Variants in CSN2 observed in about 807,000 individuals in gnomAD.
The protein encoded by CSN2 is casein beta, also known as beta-casein.
CSN2 carries 27 observed loss-of-function variants against 27.3 expected under a neutral mutation model. That is an observed-to-expected ratio of 0.99 (90% CI 0.73 to 1.36). The LOEUF (loss-of-function observed/expected upper bound fraction) is 1.36. Among genes scored for constraint, CSN2 ranks in the 40% most tolerant of loss-of-function variants. The probability of loss-of-function intolerance (pLI) is 0.00; values close to 1 mark genes in which losing one functional copy is unlikely to be tolerated. For missense variants in CSN2, 333 were observed against 264.5 expected (o/e 1.26, Z -1.80); for synonymous variants, 131 against 94.8 (o/e 1.38, Z -2.22).
chr4:69,957,909 G>T lies in CSN2; in HGVS notation c.145-105C>A, dbSNP rs1010956588. On this transcript the variant is annotated intron_variant, in intron 5 of 7. Coordinates refer to ENST00000353151, the MANE Select transcript of CSN2 (RefSeq NM_001891.4). ...AGACAATGATAAATGAGTAAAAAGA[G>T]AGGAGAAAATATTTCACTTATTTTG... is the stretch of plus-strand genomic sequence containing the variant. The T allele has an allele frequency of 5.7e-6, 6 of 1,047,042 alleles. No individual in the cohort carries two copies. The East Asian group carries it at 1.5e-4, about 26-fold the overall frequency. The allele number at this position is 1,047,042 out of a possible 1,614,324, so 64.9% of individuals were successfully genotyped here.
chr4:69,964,512 A>G (rs1349281336), intron 1 of CSN2, among the ~76,000 whole-genome samples: 1 of 151,962 alleles, frequency 6.6e-6, no homozygotes, highest in Non-Finnish European at 1.5e-5. Context: ...GTTCTTTTCA[A>G]TATTTGAAGG....
intron 1 of CSN2, among the ~76,000 whole-genome samples, chr4:69,964,433 C>A (rs932173304): frequency 6.6e-6 from 1 of 151,974 alleles, no homozygotes; most frequent in Non-Finnish European, 1.5e-5. Flanking sequence ...GATATTGAAA[C>A]TCAATTTTTG....
At chr4:69,964,500 A>G (rs924963331) in intron 1 of CSN2, among the ~76,000 whole-genome samples, 3 of 152,018 alleles carry the variant, frequency 2.0e-5, no homozygotes, top group African/African-American at 7.2e-5. Flanking sequence ...TATTTGAGAG[A>G]TGTTCTTTTC....
chr4:69,965,006 T>C (rs1723749400), intron 1 of CSN2, among the ~76,000 whole-genome samples: 1 of 151,734 alleles, frequency 6.6e-6, no homozygotes, highest in African/African-American at 2.4e-5. Flanking sequence ...CCAAGTCTTT[T>C]CTACCCCATT....
At chr4:69,961,042 T>C (rs1481833873) in intron 1 of CSN2, 35 bp from the exon 2 acceptor site, 1 of 1,480,522 alleles carries the variant, frequency 6.8e-7, no homozygotes, top group Admixed American at 1.7e-5. Flanking sequence ...GGTGGAAGAT[T>C]GGTCAATTGG....
chr4:69,962,003 A>G (rs1723608480), intron 1 of CSN2, among the ~76,000 whole-genome samples: 1 of 152,216 alleles, frequency 6.6e-6, no homozygotes, highest in African/African-American at 2.4e-5. Context: ...AGAGAATAAA[A>G]TCCCTAGGAA....
intron 5 of CSN2, 84 bp downstream of exon 5, chr4:69,958,825 G>GAA (rs2109743438): frequency 1.2e-6 from 1 of 847,098 alleles, no homozygotes; most frequent in Non-Finnish European, 1.8e-6. Flanking sequence ...TCATTCTTTA[G>GAA]AATCAACATA....
At chr4:69,964,663 A>G (rs1411854596) in intron 1 of CSN2, among the ~76,000 whole-genome samples, 1 of 151,200 alleles carries the variant, frequency 6.6e-6, no homozygotes, top group Non-Finnish European at 1.5e-5. Context: ...ACAGAATATA[A>G]CACTCTATTA....
chr4:69,964,812 A>G, intron 1 of CSN2, among the ~76,000 whole-genome samples: 1 of 149,612 alleles, frequency 6.7e-6, no homozygotes, highest in Middle Eastern at 3.7e-3. Context: ...GCTAATTTAT[A>G]TACTAATATA....
intron 3 of CSN2, 42 bp downstream of exon 3, chr4:69,960,011 C>T (rs367627342): frequency 1.9e-6 from 3 of 1,587,174 alleles, no homozygotes; most frequent in African/African-American, 1.3e-5. Context: ...AAAAATAGCA[C>T]AGGATTTTAC....
At position 69,957,464 on chromosome 4, in the gene CSN2, G is replaced by T. The variant is rs1220319277; in HGVS notation, c.485C>A (p.Ala162Glu). The change falls in exon 6 of 8, where the codon GCA (alanine) becomes GAA (glutamate). Residue 162 changes from alanine to glutamate, a missense_variant. Physicochemically the swap from Ala to Glu is moderately radical, Grantham distance 107 (BLOSUM62 -1). Coordinates refer to ENST00000353151, the MANE Select transcript of CSN2 (RefSeq NM_001891.4). Reference sequence around the variant, plus strand: ...AGACCACAGGGGCTGAGGGGGAAGTGCAAGAGTCTGAGGAATAGGCTGAGG... The same window carrying T: ...AGACCACAGGGGCTGAGGGGGAAGTTCAAGAGTCTGAGGAATAGGCTGAGG... ...QVPQPIPQTL[A>E]LPPQPLWSVP... 2 of 1,613,808 alleles carry T rather than the reference G, an allele frequency of 1.2e-6. No homozygotes were observed. The highest frequency in any genetic ancestry group is 1.7e-5 in the Admixed American group (1 of 59,902).
chr4:69,956,330 A>G lies in CSN2; in HGVS notation c.*20T>C. The G allele has an allele frequency of 7.1e-7, 1 of 1,409,912 alleles. No individual in the cohort carries two copies. The allele number at this position is 1,409,912 out of a possible 1,614,324, so 87.3% of individuals were successfully genotyped here. A position where few individuals can be genotyped will look rare whatever the true frequency, so the allele number is the denominator to read the frequency against. On this transcript the variant is annotated 3_prime_UTR_variant, in exon 7 of 8. Coordinates refer to ENST00000353151, the MANE Select transcript of CSN2 (RefSeq NM_001891.4). ...AAAACTTACCAAAAATAAGGAGGGA[A>G]AATTAACTTTGAAATCTTCTTAGAC... is the stretch of plus-strand genomic sequence containing the variant.
chr4:69,964,274 A>G (rs1723719814), intron 1 of CSN2, among the ~76,000 whole-genome samples: 1 of 152,106 alleles, frequency 6.6e-6, no homozygotes, highest in South Asian at 2.1e-4. Context: ...TAAGCTTGGG[A>G]CTACCTCTTC....
intron 5 of CSN2, among the ~76,000 whole-genome samples, chr4:69,958,615 AGTTCCCAACCTGGAAAT>A (rs1173813621): frequency 6.6e-6 from 1 of 152,148 alleles, no homozygotes; most frequent in Non-Finnish European, 1.5e-5. Context: ...AGAGGATCAT[AGTTCCCAACCTGGAAAT>A]GTTCCCACCA....
intron 1 of CSN2, among the ~76,000 whole-genome samples, chr4:69,964,719 T>G (rs962245645): frequency 9.3e-5 from 14 of 150,424 alleles, no homozygotes; most frequent in African/African-American, 3.4e-4. Context: ...TTCTATATTT[T>G]ATAAGTAATA....
intron 5 of CSN2, 92 bp downstream of exon 5, chr4:69,958,817 A>T (rs1723481209): frequency 1.2e-6 from 1 of 812,252 alleles, no homozygotes; most frequent in East Asian, 2.9e-5. Flanking sequence ...TTTTATTATC[A>T]TTCTTTAGAA....
At chr4:69,956,734 T>C (rs1023268065) in intron 6 of CSN2, among the ~76,000 whole-genome samples, 3 of 152,172 alleles carry the variant, frequency 2.0e-5, no homozygotes, top group Non-Finnish European at 4.4e-5. Context: ...AATTCCGGCT[T>C]TTGTAAGCCT....
At position 69,957,352 on chromosome 4, in the gene CSN2, G is replaced by A. The variant is rs755595370; in HGVS notation, c.597C>T (p.Asn199=). ...GGGTGGGGTTAAGTAGAAGTTCTTG[G>A]TTGAGCAGAAGGGCTTGAACAGGCA... ...RAVPVQALLL[N]QELLLNPTHQ... The change falls in exon 6 of 8, where the codon AAC becomes AAT. Residue 199 remains asparagine (N), a synonymous_variant. Transcript: ENST00000353151. 1.2e-6 allele frequency: 2 copies of A among 1,612,624 alleles called. No homozygotes were observed. Among genetic ancestry groups the A allele is most frequent in the South Asian group, 2.2e-5 (2 of 90,876 alleles).
At chr4:69,962,382 C>T (rs1429599236) in intron 1 of CSN2, among the ~76,000 whole-genome samples, 1 of 152,160 alleles carries the variant, frequency 6.6e-6, no homozygotes, top group Non-Finnish European at 1.5e-5. Context: ...GGTACCAAAA[C>T]TGATACCAAG....
Sources: allele counts gnomAD v4.1 joint callset (sites outside exome capture counted in the v4.1 genomes callset), GRCh38; gene constraint gnomAD v4.1.1; transcripts MANE v1.5; gene names NCBI Gene and HGNC (gene_info 2026-07-23, HGNC 2026-07-21).